Variants in SLC44A5 observed in about 807,000 individuals in gnomAD.
SLC44A5 encodes choline transporter-like protein 5.
SLC44A5 carries 57 observed loss-of-function variants against 101.8 expected under a neutral mutation model. The ratio of observed to expected loss-of-function variants is 0.56; its 90% CI spans 0.45 to 0.70. The LOEUF is 0.70. SLC44A5 is among the 30% of genes least tolerant of loss of function. The probability of loss-of-function intolerance (pLI) is 0.00; values close to 1 mark genes in which losing one functional copy is unlikely to be tolerated. For missense variants in SLC44A5, 737 were observed against 853.1 expected (o/e 0.86, Z 1.70); for synonymous variants, 281 against 290.9 (o/e 0.97, Z 0.35).
chr1:75,581,677 C>T (rs934831307), intron 1 of SLC44A5, among the ~76,000 whole-genome samples: 11 of 152,152 alleles, frequency 7.2e-5, no homozygotes, highest in Admixed American at 7.2e-4. Context: ...GAGGTGGGGC[C>T]TAATGGGAAG....
At chr1:75,258,412 A>ACAAAGTC (rs59799245) in intron 6 of SLC44A5, among the ~76,000 whole-genome samples, 20 of 151,662 alleles carry the variant, frequency 1.3e-4, no homozygotes, top group Non-Finnish European at 8.8e-5. Context: ...GTCGTTGGGA[A>ACAAAGTC]GTTGGAACTG....
chr1:75,470,654 TG>T (rs1667056748), intron 2 of SLC44A5, among the ~76,000 whole-genome samples: 2 of 151,836 alleles, frequency 1.3e-5, no homozygotes, highest in South Asian at 4.2e-4. Flanking sequence ...ACCTACACCA[TG>T]AGTAGGTGTT....
chr1:75,623,877 C>T, the SLC44A5 span, among the ~76,000 whole-genome samples: 2 of 152,098 alleles, frequency 1.3e-5, no homozygotes, highest in Non-Finnish European at 2.9e-5. Flanking sequence ...GATACTGAAA[C>T]TTTCCATTTA....
intron 5 of SLC44A5, 151 bp downstream of exon 5, chr1:75,300,461 T>C: frequency 9.0e-6 from 4 of 443,026 alleles, no homozygotes; most frequent in Non-Finnish European, 1.5e-5. Context: ...TGCTACCCGA[T>C]AAATCCTGGT....
chr1:75,706,420 A>T, the SLC44A5 span, among the ~76,000 whole-genome samples: 1 of 151,966 alleles, frequency 6.6e-6, no homozygotes, highest in Non-Finnish European at 1.5e-5. Context: ...TATTTTCTCT[A>T]TTTACTCTGC....
intron 1 of SLC44A5, among the ~76,000 whole-genome samples, chr1:75,557,400 G>A (rs183017922): frequency 9.5e-4 from 145 of 152,198 alleles, no homozygotes; most frequent in Admixed American, 9.0e-3. Flanking sequence ...AAAGGAAGGA[G>A]TGAATACACA....
At chr1:75,491,429 C>T (rs909546867) in intron 2 of SLC44A5, among the ~76,000 whole-genome samples, 10 of 151,856 alleles carry the variant, frequency 6.6e-5, no homozygotes, top group Non-Finnish European at 1.0e-4. Context: ...GTTTAAGTTA[C>T]GTGAGTTGAA....
At chr1:75,603,022 C>T (rs186755970) in intron 1 of SLC44A5, among the ~76,000 whole-genome samples, 1 of 151,908 alleles carries the variant, frequency 6.6e-6, no homozygotes, top group East Asian at 1.9e-4. Context: ...TACATATACA[C>T]ATTGTTACCT....
chr1:75,451,290 G>T (rs888947836), intron 2 of SLC44A5, among the ~76,000 whole-genome samples: 3 of 152,094 alleles, frequency 2.0e-5, no homozygotes, highest in Non-Finnish European at 4.4e-5. Context: ...AGTAAATAAG[G>T]ATCAAGTAAG....
At chr1:75,415,719 A>G (rs1023397038) in intron 2 of SLC44A5, among the ~76,000 whole-genome samples, 11 of 152,318 alleles carry the variant, frequency 7.2e-5, no homozygotes, top group Non-Finnish European at 1.5e-4. Flanking sequence ...GAACAATAAC[A>G]TCCAGGCTGA....
chr1:75,606,531 C>T (rs772471849), intron 1 of SLC44A5, among the ~76,000 whole-genome samples: 2 of 152,000 alleles, frequency 1.3e-5, no homozygotes, highest in African/African-American at 2.4e-5. Flanking sequence ...TTCAACTCCA[C>T]AACTCCCATC....
intron 4 of SLC44A5, among the ~76,000 whole-genome samples, chr1:75,309,847 C>A (rs1655170686): frequency 6.6e-6 from 1 of 152,090 alleles, no homozygotes; most frequent in Non-Finnish European, 1.5e-5. Flanking sequence ...AAGTGTTCAG[C>A]AAAATGGGAA....
intron 7 of SLC44A5, among the ~76,000 whole-genome samples, chr1:75,248,051 T>C (rs1649264939): frequency 6.6e-6 from 1 of 152,106 alleles, no homozygotes; most frequent in African/African-American, 2.4e-5. Context: ...CTTAAGCAAT[T>C]TGTCTTCTAG....
chr1:75,704,307 T>A, the SLC44A5 span, among the ~76,000 whole-genome samples: 1 of 152,172 alleles, frequency 6.6e-6, no homozygotes, highest in Middle Eastern at 3.4e-3. Flanking sequence ...GATTACTCAA[T>A]ATAAGCTCTC....
chr1:75,618,563 ATG>A, the SLC44A5 span, among the ~76,000 whole-genome samples: 1 of 152,214 alleles, frequency 6.6e-6, no homozygotes, highest in East Asian at 1.9e-4. Flanking sequence ...ATTCTGAGAA[ATG>A]TGTCTTTAGG....
At chr1:75,660,703 G>C in the SLC44A5 span, among the ~76,000 whole-genome samples, 1 of 152,026 alleles carries the variant, frequency 6.6e-6, no homozygotes, top group South Asian at 2.1e-4. Flanking sequence ...AAGAAAGCAA[G>C]CCCATTTACA....
At chr1:75,702,452 C>G in the SLC44A5 span, among the ~76,000 whole-genome samples, 30 of 152,008 alleles carry the variant, frequency 2.0e-4, no homozygotes, top group Admixed American at 1.1e-3. Flanking sequence ...AACTGGCTAG[C>G]CATATGTAGA....
At chr1:75,618,750 T>C in the SLC44A5 span, among the ~76,000 whole-genome samples, 2 of 152,126 alleles carry the variant, frequency 1.3e-5, no homozygotes, top group African/African-American at 2.4e-5. Context: ...AGTATTTGTG[T>C]ATCCAAACAT....
chr1:75,431,864 C>T (rs1353279967), intron 2 of SLC44A5, among the ~76,000 whole-genome samples: 1 of 152,104 alleles, frequency 6.6e-6, no homozygotes, highest in Non-Finnish European at 1.5e-5. Context: ...TGCGTATTTC[C>T]TAGTAGTCAG....
Sources: gnomAD v4.1 joint callset for allele counts (sites outside exome capture counted in the v4.1 genomes callset) on GRCh38, gnomAD v4.1.1 for gene constraint, MANE v1.5 for transcripts, NCBI Gene and HGNC (gene_info 2026-07-23, HGNC 2026-07-21) for gene names.